TMEM132D: variants seen among roughly 807,000 people sequenced by gnomAD.
The protein encoded by TMEM132D is transmembrane protein 132D, also known as mature OL transmembrane protein.
Under a neutral mutation model 62.3 loss-of-function variants are expected in TMEM132D, and 21 were observed. That is an observed-to-expected ratio of 0.34 (90% confidence interval 0.24 to 0.49). The LOEUF (loss-of-function observed/expected upper bound fraction) is 0.49. Ranked by LOEUF, TMEM132D falls within the 20% of genes least tolerant of loss-of-function variation. The pLI is 0.99. For missense variants in TMEM132D, 1,346 were observed against 1,402.8 expected (o/e 0.96, Z 0.65); for synonymous variants, 621 against 575.6 (o/e 1.08, Z -1.13).
rs984189536 is a variant in TMEM132D at position 129,501,502 on chromosome 12, T to G, written c.1115+29557A>C. 9.2e-5 allele frequency among the ~76,000 whole-genome samples: 14 copies of G among 152,286 alleles called. No individual in the cohort carries two copies. In the Middle Eastern group the frequency reaches 0.01, roughly 111 times the overall value. On this transcript the variant is annotated intron_variant, in intron 3 of 8. Coordinates refer to ENST00000422113, the MANE Select transcript of TMEM132D (RefSeq NM_133448.3). Reference sequence around the variant, plus strand: ...TTATTAAAAGTTAACAGCAGATTTTTTTAATTTTTTTTATTTTTTTTTGAG... The same window carrying G: ...TTATTAAAAGTTAACAGCAGATTTTGTTAATTTTTTTTATTTTTTTTTGAG...
intron 5 of TMEM132D, among the ~76,000 whole-genome samples, chr12:129,139,709 T>G (rs930184016): frequency 2.0e-5 from 3 of 152,186 alleles, no homozygotes; most frequent in African/African-American, 4.8e-5. Context: ...TTATTATTAT[T>G]GAGACAGGAC....
intron 1 of TMEM132D, among the ~76,000 whole-genome samples, chr12:129,771,016 A>C (rs1870734234): frequency 6.6e-6 from 1 of 152,142 alleles, no homozygotes; most frequent in Non-Finnish European, 1.5e-5. Flanking sequence ...TGAGGACATG[A>C]CCCCTTCTTG....
chr12:129,898,870 G>C (rs1875237820), intron 1 of TMEM132D, among the ~76,000 whole-genome samples: 1 of 152,222 alleles, frequency 6.6e-6, no homozygotes, highest in African/African-American at 2.4e-5. Context: ...AATAGGAAAG[G>C]AGAGGGAACA....
chr12:129,269,079 T>C (rs1234281208), intron 4 of TMEM132D, among the ~76,000 whole-genome samples: 1 of 150,262 alleles, frequency 6.7e-6, no homozygotes, highest in Non-Finnish European at 1.5e-5. Context: ...AAATGACGAG[T>C]TAATGGGTGC....
chr12:129,388,873 A>T lies in TMEM132D; in HGVS notation c.1116-51056T>A, dbSNP rs555037645. ...CCAACACCAATCCAGCACTGATGAT[A>T]ATATTAACACTAACATGAATCCTAA... On this transcript the variant is annotated intron_variant, in intron 3 of 8. Transcript: ENST00000422113. Among the ~76,000 whole-genome samples the T allele has an allele frequency of 1.8e-3, 186 of 104,490 alleles. 5 individuals carry two copies. Among genetic ancestry groups the T allele is most frequent in the Non-Finnish European group, 2.3e-3 (111 of 47,762 alleles). The allele number at this position is 104,490 out of a possible 152,430, so 68.5% of individuals were successfully genotyped here.
At chr12:129,662,520 C>T (rs969295677) in intron 2 of TMEM132D, among the ~76,000 whole-genome samples, 2 of 152,182 alleles carry the variant, frequency 1.3e-5, no homozygotes, top group African/African-American at 2.4e-5. Context: ...ATTGGCCAGG[C>T]CCGATGGCTC....
At chr12:129,527,430 C>T (rs182930416) in intron 3 of TMEM132D, among the ~76,000 whole-genome samples, 145 of 152,288 alleles carry the variant, frequency 9.5e-4, no homozygotes, top group African/African-American at 3.2e-3. Flanking sequence ...AATTTATCTA[C>T]ATACTCTTGC....
At chr12:129,215,629 T>A (rs980514193) in intron 4 of TMEM132D, among the ~76,000 whole-genome samples, 1 of 152,164 alleles carries the variant, frequency 6.6e-6, no homozygotes, top group African/African-American at 2.4e-5. Flanking sequence ...GGTATGTGGT[T>A]AAAAGACACG....
In TMEM132D at chr12:129,281,679, A is replaced by G. The variant is rs145212339; in HGVS notation, c.1299+55955T>C. Among the ~76,000 whole-genome samples the G allele has an allele frequency of 3.3e-3, 505 of 152,292 alleles. 2 individuals carry two copies. Among genetic ancestry groups the G allele is most frequent in the African/African-American group, 0.011 (472 of 41,568 alleles). Reference sequence around the variant, plus strand: ...TCAGTTATCCTCTATGATTGCATAAACAGTATAATTAATTCTTCCCCACCC... The same window carrying G: ...TCAGTTATCCTCTATGATTGCATAAGCAGTATAATTAATTCTTCCCCACCC... On this transcript the variant is annotated intron_variant, in intron 4 of 8. Transcript: ENST00000422113.
At chr12:129,768,420 T>C (rs543898939) in intron 1 of TMEM132D, among the ~76,000 whole-genome samples, 16 of 152,022 alleles carry the variant, frequency 1.1e-4, no homozygotes, top group African/African-American at 3.6e-4. Flanking sequence ...AGTTATCTCA[T>C]TGTGGTGAGG....
intron 3 of TMEM132D, among the ~76,000 whole-genome samples, chr12:129,513,731 C>T (rs573686594): frequency 9.8e-4 from 148 of 151,744 alleles, no homozygotes; most frequent in Non-Finnish European, 1.3e-3. Flanking sequence ...ATGATCCGCC[C>T]GTCTCAGCCT....
intron 2 of TMEM132D, among the ~76,000 whole-genome samples, chr12:129,621,467 A>C (rs1479187658): frequency 6.6e-6 from 1 of 152,098 alleles, no homozygotes; most frequent in Non-Finnish European, 1.5e-5. Flanking sequence ...CTTGAGGCCA[A>C]GACTTTGTCT....
At chr12:129,705,371 G>A (rs264470) in intron 1 of TMEM132D, among the ~76,000 whole-genome samples, 151,602 of 152,348 alleles carry the variant, frequency 1, 75,435 homozygotes, top group Middle Eastern at 1. Context: ...CAAGGGTAAA[G>A]AGTAATTCTA....
intron 5 of TMEM132D, among the ~76,000 whole-genome samples, chr12:129,089,670 T>A (rs980604816): frequency 6.6e-6 from 1 of 151,936 alleles, no homozygotes. Flanking sequence ...GGACCCCTGC[T>A]TGTTGAGCCC....
At chr12:129,129,094 C>T (rs912851322) in intron 5 of TMEM132D, among the ~76,000 whole-genome samples, 1 of 152,176 alleles carries the variant, frequency 6.6e-6, no homozygotes, top group Non-Finnish European at 1.5e-5. Context: ...CACTCAAGTA[C>T]TGAGCATGGT....
chr12:129,691,019 C>T (rs1881050085), intron 2 of TMEM132D, among the ~76,000 whole-genome samples: 1 of 151,828 alleles, frequency 6.6e-6, no homozygotes, highest in Admixed American at 6.6e-5. Context: ...AACTAGAAAT[C>T]AATACTAGAA....
At chr12:129,813,100 C>A (rs1872236693) in intron 1 of TMEM132D, among the ~76,000 whole-genome samples, 1 of 151,906 alleles carries the variant, frequency 6.6e-6, no homozygotes, top group Admixed American at 6.6e-5. Context: ...TCTTGATTTC[C>A]TCCTTTCTCC....
At chr12:129,488,099 G>A (rs887400647) in intron 3 of TMEM132D, among the ~76,000 whole-genome samples, 2 of 152,070 alleles carry the variant, frequency 1.3e-5, no homozygotes, top group African/African-American at 4.8e-5. Flanking sequence ...TCTTGGAAGC[G>A]AGAGCAGCTC....
intron 2 of TMEM132D, among the ~76,000 whole-genome samples, chr12:129,567,524 TCTAA>T (rs1168016532): frequency 6.6e-6 from 1 of 152,188 alleles, no homozygotes; most frequent in African/African-American, 2.4e-5. Flanking sequence ...GGCTGAATAG[TCTAA>T]CTATACTTCA....
Sources: allele counts gnomAD v4.1 joint callset (sites outside exome capture counted in the v4.1 genomes callset), GRCh38; gene constraint gnomAD v4.1.1; transcripts MANE v1.5; gene names NCBI Gene and HGNC (gene_info 2026-07-23, HGNC 2026-07-21).